The following CNKSR2 variants were observed in gnomAD, a reference collection of about 807,000 sequenced individuals.
The protein encoded by CNKSR2 is connector enhancer of kinase suppressor of Ras 2.
In CNKSR2, 14 loss-of-function variants were observed where a neutral mutation model predicts 84.4. The ratio of observed to expected loss-of-function variants is 0.17; its 90% CI spans 0.11 to 0.26. The LOEUF (loss-of-function observed/expected upper bound fraction) is 0.26. Among genes scored for constraint, CNKSR2 ranks in the 10% least tolerant of loss-of-function variants. The pLI is 1.00. For synonymous variants in CNKSR2, 275 were observed against 277.9 expected, an observed-to-expected ratio of 0.99 and a Z score of 0.10; for missense variants, 485 against 771.2, an observed-to-expected ratio of 0.63 and a Z score of 4.40.
chrX:21,510,808 A>G (rs1455831316), intron 8 of CNKSR2, among the ~76,000 whole-genome samples: 1 of 112,013 alleles, frequency 8.9e-6, no homozygotes, highest in Non-Finnish European at 1.9e-5. Context: ...ATACATTTTA[A>G]TGTACATGTT....
chrX:21,375,625 G>T (rs778312129), intron 1 of CNKSR2, among the ~76,000 whole-genome samples: 1 of 112,098 alleles, frequency 8.9e-6, no homozygotes. Context: ...GCATCCCCTC[G>T]CATCCTTTGC....
chrX:21,432,102 G>A (rs964380504), intron 2 of CNKSR2, among the ~76,000 whole-genome samples: 3 of 111,294 alleles, frequency 2.7e-5, no homozygotes, highest in Non-Finnish European at 5.7e-5. Context: ...TGTAGAGTAC[G>A]TATTTTTTTA....
chrX:21,410,790 T>TTGTG (rs36094917), intron 1 of CNKSR2, among the ~76,000 whole-genome samples: 108 of 103,822 alleles, frequency 1.0e-3, no homozygotes, highest in South Asian at 5.1e-3. Flanking sequence ...CACCAAAGGA[T>TTGTG]TGTGTGTGTG....
At position 21,496,757 on chromosome X, in the gene CNKSR2, G is replaced by T. The variant is rs142764046; in HGVS notation, c.682-1030G>T. 8.4e-3 allele frequency among the ~76,000 whole-genome samples: 934 copies of T among 111,052 alleles called. 6 individuals are homozygous for T. The highest frequency in any genetic ancestry group is 0.028 in the African/African-American group (844 of 30,662). On this transcript the variant is annotated intron_variant, in intron 6 of 21. Coordinates refer to ENST00000379510, the MANE Select transcript of CNKSR2 (RefSeq NM_014927.5). Reference sequence around the variant, plus strand: ...CTAAATGTATGCTTTTTCTGAAATGGTATTGTTGGTTGTTATTATTAAATC... The same window carrying T: ...CTAAATGTATGCTTTTTCTGAAATGTTATTGTTGGTTGTTATTATTAAATC...
intron 13 of CNKSR2, among the ~76,000 whole-genome samples, chrX:21,580,571 T>G (rs773062706): frequency 1.8e-5 from 2 of 111,851 alleles, no homozygotes; most frequent in African/African-American, 6.5e-5. Flanking sequence ...TGATTTCAGA[T>G]TCTTTTACAA....
intron 6 of CNKSR2, chrX:21,493,081 A>G (rs1228870377): frequency 8.9e-6 from 1 of 112,184 alleles, no homozygotes; most frequent in African/African-American, 3.2e-5. Context: ...CTGCTGATAA[A>G]CTGGATACAT....
At position 21,606,761 on chromosome X, in the gene CNKSR2, A is replaced by G. The variant is rs762838303; in HGVS notation, c.2045-18A>G. 2 of 992,669 alleles carry G rather than the reference A, an allele frequency of 2.0e-6. No individual in the cohort carries two copies. Among genetic ancestry groups the G allele is most frequent in the South Asian group, 2.0e-5 (1 of 50,232 alleles). The allele number at this position is 992,669 out of a possible 1,213,427, so 81.8% of individuals were successfully genotyped here. Reference sequence around the variant, plus strand: ...CATTTAGTAGAATGTTGACGTATCCATGTCTGTGAATTTTCAGATTACTGG... The same window carrying G: ...CATTTAGTAGAATGTTGACGTATCCGTGTCTGTGAATTTTCAGATTACTGG... On this transcript the variant is annotated intron_variant, in intron 18 of 21. Transcript: ENST00000379510.
Position 21,461,004 on chromosome X carries a change from G to T in CNKSR2, c.520-9762G>T, listed in dbSNP as rs148558707. ...GAGCTGCAAAAAACATGAAAGTGCA[G>T]ATATCTTTTTAATATCCTGATTTCC... On this transcript the variant is annotated intron_variant, in intron 4 of 21. Coordinates refer to ENST00000379510, the MANE Select transcript of CNKSR2 (RefSeq NM_014927.5). Among the ~76,000 whole-genome samples the T allele has an allele frequency of 2.7e-3, 299 of 112,743 alleles. 1 individual carries two copies. Among genetic ancestry groups the T allele is most frequent in the Middle Eastern group, 9.1e-3 (2 of 219 alleles).
At chrX:21,603,765 C>T (rs2092498392) in intron 18 of CNKSR2, among the ~76,000 whole-genome samples, 1 of 112,083 alleles carries the variant, frequency 8.9e-6, no homozygotes, top group South Asian at 3.7e-4. Flanking sequence ...TTTTCAGTCA[C>T]ACATAAGGTC....
chrX:21,375,344 C>T (rs1027820289), intron 1 of CNKSR2, among the ~76,000 whole-genome samples: 3 of 112,677 alleles, frequency 2.7e-5, no homozygotes, highest in African/African-American at 9.7e-5. Flanking sequence ...CCCCTGGTCG[C>T]CCTTTCCTGG....
intron 1 of CNKSR2, among the ~76,000 whole-genome samples, chrX:21,400,161 A>G (rs1319821331): frequency 9.0e-6 from 1 of 111,603 alleles, no homozygotes; most frequent in African/African-American, 3.2e-5. Context: ...TTGAAGTTCA[A>G]TGAAATAATG....
intron 20 of CNKSR2, among the ~76,000 whole-genome samples, chrX:21,640,104 C>T (rs942604590): frequency 4.5e-5 from 5 of 111,486 alleles, no homozygotes; most frequent in African/African-American, 1.3e-4. Context: ...CAATAGAATT[C>T]GGCAATTGTG....
At chrX:21,547,199 A>G (rs566675188) in intron 11 of CNKSR2, among the ~76,000 whole-genome samples, 3 of 111,553 alleles carry the variant, frequency 2.7e-5, no homozygotes, top group East Asian at 5.6e-4. Context: ...ACATGCAAAG[A>G]CACACATGGG....
intron 20 of CNKSR2, chrX:21,644,591 T>C (rs1054890287): frequency 9.0e-6 from 1 of 111,338 alleles, no homozygotes; most frequent in Non-Finnish European, 1.9e-5. Flanking sequence ...CATCACTCTG[T>C]TTGAATGTGT....
At chrX:21,557,615 A>T in intron 11 of CNKSR2, among the ~76,000 whole-genome samples, 1 of 111,377 alleles carries the variant, frequency 9.0e-6, no homozygotes, top group Non-Finnish European at 1.9e-5. Context: ...AAGGCTTATG[A>T]TAGGGTGCCA....
intron 5 of CNKSR2, among the ~76,000 whole-genome samples, chrX:21,471,319 T>C (rs967432553): frequency 8.9e-6 from 1 of 112,313 alleles, no homozygotes; most frequent in Admixed American, 9.5e-5. Context: ...GGGCTACGCG[T>C]ACATTATACT....
At chrX:21,506,451 A>T (rs936473473) in intron 8 of CNKSR2, 1 of 111,641 alleles carries the variant, frequency 9.0e-6, no homozygotes, top group South Asian at 3.7e-4. Context: ...CACATTGAAC[A>T]TTATGGATTT....
chrX:21,423,718 A>G (rs1359662649), intron 1 of CNKSR2: 2 of 111,623 alleles, frequency 1.8e-5, no homozygotes, highest in East Asian at 5.7e-4. Context: ...TTCCCCTTTC[A>G]TTCATTCAAA....
At chrX:21,612,973 A>G (rs1181675380) in intron 20 of CNKSR2, among the ~76,000 whole-genome samples, 1 of 112,369 alleles carries the variant, frequency 8.9e-6, no homozygotes, top group African/African-American at 3.2e-5. Context: ...TACACAAATG[A>G]GACCTGTCTT....
Sources: gnomAD v4.1 joint callset for allele counts (sites outside exome capture counted in the v4.1 genomes callset) on GRCh38, gnomAD v4.1.1 for gene constraint, MANE v1.5 for transcripts, NCBI Gene and HGNC (gene_info 2026-07-23, HGNC 2026-07-21) for gene names.